SFXN3: variants seen among roughly 807,000 people sequenced by gnomAD.
SFXN3 encodes sideroflexin 3, also known as sideroflexin-3.
A neutral mutation model predicts 40.4 loss-of-function variants in SFXN3; 31 were observed. The observed-to-expected ratio is 0.77, with a 90% confidence interval of 0.58 to 1.04. The LOEUF (loss-of-function observed/expected upper bound fraction) is 1.04, where lower values mean the gene tolerates loss of function less well. Ranked by LOEUF, SFXN3 falls within the 50% of genes least tolerant of loss-of-function variation. The probability of loss-of-function intolerance (pLI) is 0.00; values close to 1 mark genes in which losing one functional copy is unlikely to be tolerated. For synonymous variants in SFXN3, 157 were observed against 160.0 expected (o/e 0.98, Z 0.14); for missense variants, 366 against 408.2 (o/e 0.90, Z 0.89).
chr10:101,040,586 C>CTT (rs66614203), exon 12 of SFXN3: 88 of 143,336 alleles, frequency 6.1e-4, no homozygotes, highest in African/African-American at 2.0e-3. Context: ...GTTCCATTGA[C>CTT]TTTTTTTTTT....
chr10:101,032,156 A>T, intron 1 of SFXN3, 158 bp from the exon 2 acceptor site: 1 of 335,990 alleles, frequency 3.0e-6, no homozygotes. Context: ...CTGTAAACCA[A>T]GGGAGCAGCG....
intron 2 of SFXN3, among the ~76,000 whole-genome samples, chr10:101,034,367 T>C (rs1938480328): frequency 6.6e-6 from 1 of 152,260 alleles, no homozygotes; most frequent in African/African-American, 2.4e-5. Flanking sequence ...CTTGATTTTA[T>C]ACAACACATG....
At chr10:101,038,359 G>C in intron 9 of SFXN3, 1 of 1,355,838 alleles carries the variant, frequency 7.4e-7, no homozygotes, top group Non-Finnish European at 9.5e-7. Flanking sequence ...GCTCCTGGAG[G>C]AAGTGAGGGA....
chr10:101,036,615 C>A lies in SFXN3; in HGVS notation c.507+54C>A. 1 of 1,613,158 alleles carries A rather than the reference C, an allele frequency of 6.2e-7. No homozygotes were observed. ...CCATTCATCCTCTATCTGCCTCCTTCTTCCTCATCACACCTCCAGTTCTGA... is the reference window on the plus strand; with the variant it reads ...CCATTCATCCTCTATCTGCCTCCTTATTCCTCATCACACCTCCAGTTCTGA... On this transcript the variant is annotated intron_variant, in intron 6 of 11. Transcript: ENST00000393459. This position sits in a 1 kb window ranked among gnomAD's most constrained non-coding sequence, Gnocchi z 4.2.
At chr10:101,037,494 A>G in intron 9 of SFXN3, 63 bp downstream of exon 9, 3 of 1,613,684 alleles carry the variant, frequency 1.9e-6, no homozygotes, top group South Asian at 1.1e-5. Context: ...ACCAGGCCCC[A>G]ACTCTCTCTC....
At chr10:101,034,834 G>C in exon 3 of SFXN3, 1 of 1,614,042 alleles carries the variant, frequency 6.2e-7, no homozygotes, top group Non-Finnish European at 8.5e-7. Flanking sequence ...GAAGCTTCTC[G>C]GAACATCGTG....
chr10:101,031,594 C>CT (rs3840753), intron 1 of SFXN3, 60 bp downstream of exon 1: 78,246 of 152,206 alleles, frequency 0.51, 20,626 homozygotes, highest in East Asian at 0.69. Context: ...TCCTCCTCCT[C>CT]TGTCAGAAGG....
At chr10:101,035,556 A>T (rs748027890) in exon 4 of SFXN3, 2 of 1,613,922 alleles carry the variant, frequency 1.2e-6, no homozygotes, top group Admixed American at 3.3e-5. Flanking sequence ...AAGTATGTGT[A>T]TGACTCCGCC....
At chr10:101,037,272 T>C in intron 8 of SFXN3, 69 bp downstream of exon 8, 1 of 1,613,636 alleles carries the variant, frequency 6.2e-7, no homozygotes, top group South Asian at 1.1e-5. Context: ...TCAGGGACTT[T>C]GGAGGACTCT....
chr10:101,032,465 C>A, exon 2 of SFXN3: 1 of 1,549,146 alleles, frequency 6.5e-7, no homozygotes, highest in South Asian at 1.2e-5. Flanking sequence ...CTGAGAGCTT[C>A]AGAGAGCGAT....
chr10:101,037,666 A>T, intron 9 of SFXN3: 1 of 1,424,660 alleles, frequency 7.0e-7, no homozygotes, highest in Non-Finnish European at 9.1e-7. Context: ...CATCAGTGTT[A>T]CTCCAGTGGC....
At chr10:101,035,517 G>C (rs745534426) in exon 4 of SFXN3, 1 of 1,608,984 alleles carries the variant, frequency 6.2e-7, no homozygotes. Flanking sequence ...GTGACCCCAG[G>C]GATCACCGAG....
At chr10:101,041,173 C>G (rs1394393189) in exon 12 of SFXN3, 3 of 152,216 alleles carry the variant, frequency 2.0e-5, no homozygotes, top group Non-Finnish European at 2.9e-5. Flanking sequence ...TCCTGTTCCC[C>G]CTATCAACCG....
chr10:101,035,347 C>T lies in SFXN3; in HGVS notation c.162-150C>T, dbSNP rs189169511. Reference sequence around the variant, plus strand: ...TCCACTTCTGGGAAACTTTGGCCCTCTCCCAAAGATAAGGAGCTTCCTTAT... The same window carrying T: ...TCCACTTCTGGGAAACTTTGGCCCTTTCCCAAAGATAAGGAGCTTCCTTAT... On this transcript the variant is annotated intron_variant, in intron 3 of 11. Transcript: ENST00000393459. 1.0e-5 allele frequency: 9 copies of T among 859,296 alleles called. No individual in the cohort carries two copies. In the Admixed American group the frequency reaches 2.5e-4, roughly 24 times the overall value. 53.2% of individuals were successfully genotyped at this position (859,296 alleles called of 1,614,324 possible).
intron 9 of SFXN3, chr10:101,038,395 A>T: frequency 1.4e-6 from 2 of 1,406,096 alleles, no homozygotes; most frequent in South Asian, 3.2e-5. Flanking sequence ...AGGGAGTGCC[A>T]TGGCAACCAA....
chr10:101,040,112 G>A (rs908717206), exon 12 of SFXN3: 6 of 155,924 alleles, frequency 3.8e-5, no homozygotes, highest in African/African-American at 1.4e-4. Flanking sequence ...CTGATACCTA[G>A]CTCCCCAAGC....
At chr10:101,032,339 G>A (rs190763506) in exon 2 of SFXN3, 2 of 1,099,598 alleles carry the variant, frequency 1.8e-6, no homozygotes, top group Non-Finnish European at 2.5e-6. Flanking sequence ...GTGCCCACCG[G>A]GTGGGCGCGG....
At chr10:101,035,524 C>T (rs181896105) in exon 4 of SFXN3, 36 of 1,610,480 alleles carry the variant, frequency 2.2e-5, no homozygotes, top group Middle Eastern at 1.8e-4. Context: ...CAGGGATCAC[C>T]GAGGACCAGC....
In SFXN3 at chr10:101,039,763, C is replaced by T; in HGVS notation, c.*178C>T. The T allele has an allele frequency of 1.6e-6, 1 of 616,592 alleles. No homozygotes were observed. Among genetic ancestry groups the T allele is most frequent in the South Asian group, 1.9e-5 (1 of 52,038 alleles). The allele number at this position is 616,592 out of a possible 1,614,324, so 38.2% of individuals were successfully genotyped here. On this transcript the variant is annotated 3_prime_UTR_variant, in exon 12 of 12. Transcript: ENST00000393459. This position sits in a 1 kb window ranked among gnomAD's most constrained non-coding sequence, Gnocchi z 4.6. Reference sequence around the variant, plus strand: ...GGGACCTCCATAAGGCTTTTCCTCCCTTCTCTGGTTTCAAAGATCAGAGCA... The same window carrying T: ...GGGACCTCCATAAGGCTTTTCCTCCTTTCTCTGGTTTCAAAGATCAGAGCA...
Sources: allele counts gnomAD v4.1 joint callset (sites outside exome capture counted in the v4.1 genomes callset), GRCh38; gene constraint gnomAD v4.1.1; non-coding constraint Gnocchi (gnomAD v3.1); transcripts MANE v1.5; gene names NCBI Gene and HGNC (gene_info 2026-07-23, HGNC 2026-07-21).